The following POLR3E variants were observed in gnomAD, a reference collection of about 807,000 sequenced individuals.
The protein encoded by POLR3E is RNA polymerase III subunit E, also known as DNA-directed RNA polymerase III subunit RPC5.
A neutral mutation model predicts 96.6 loss-of-function variants in POLR3E; 41 were observed. The ratio of observed to expected loss-of-function variants is 0.42; its 90% CI spans 0.33 to 0.55. The LOEUF (loss-of-function observed/expected upper bound fraction) is 0.55, where lower values mean the gene tolerates loss of function less well. POLR3E is among the 20% of genes least tolerant of loss of function. The pLI, the probability that POLR3E is intolerant of heterozygous loss-of-function variation, is 0.06. For missense variants in POLR3E, 849 were observed against 952.1 expected (o/e 0.89, Z 1.43); for synonymous variants, 396 against 383.6 (o/e 1.03, Z -0.38).
At chr16:22,329,351 C>T (rs2048687203) in intron 19 of POLR3E, among the ~76,000 whole-genome samples, 1 of 152,138 alleles carries the variant, frequency 6.6e-6, no homozygotes, top group African/African-American at 2.4e-5. Flanking sequence ...CACAGGTGTC[C>T]AGTGCCCAGA....
Position 22,326,288 on chromosome 16 carries a change from G to A in POLR3E, c.1866+10G>A, listed in dbSNP as rs779670206. ...GCAGATACTGGTGCCTGTAAGTAGA[G>A]CCCTGCCTGCCAGGGGCATGGGGGG... On this transcript the variant is annotated intron_variant, in intron 18 of 20. Coordinates refer to ENST00000299853, the MANE Select transcript of POLR3E (RefSeq NM_018119.4). 52 of 761,822 alleles carry A rather than the reference G, an allele frequency of 6.8e-5. No homozygotes were observed. In the African/African-American group the frequency reaches 8.4e-4, roughly 12 times the overall value. The allele number at this position is 761,822 out of a possible 1,614,324, so 47.2% of individuals were successfully genotyped here.
rs1449090907 is a variant in POLR3E, at chr16:22,318,825, G to A, written c.866-1G>A. On this transcript the variant is annotated splice_acceptor_variant, in intron 12 of 20. Transcript: ENST00000299853. LOFTEE classifies it high-confidence loss of function. This position sits in a 1 kb window ranked among gnomAD's most constrained non-coding sequence, Gnocchi z 5.0. ...TCTGATGTCTCCTGCGTCCTCCTCA[G>A]TGAAGGTCATGCCTTTTGCCAACTT... 6.2e-7 allele frequency: 1 copy of A among 1,612,602 alleles called. No homozygotes were observed. Among genetic ancestry groups the A allele is most frequent in the African/African-American group, 1.3e-5 (1 of 74,666 alleles).
chr16:22,314,821 A>T lies in POLR3E; in HGVS notation c.523-268A>T, dbSNP rs1598255428. 4.4e-5 allele frequency: 14 copies of T among 319,742 alleles called. No individual in the cohort carries two copies. In the South Asian group the frequency reaches 7.3e-4, roughly 17 times the overall value. 19.8% of individuals were successfully genotyped at this position (319,742 alleles called of 1,614,324 possible). A position where few individuals can be genotyped will look rare whatever the true frequency, so the allele number is the denominator to read the frequency against. The stretch of plus-strand genomic sequence containing the variant: ...CATCCTGGGCCTGTCTGCTTTAAGG[A>T]CTCTGCTGGCTCTGGCGCCTGGGAC... On this transcript the variant is annotated intron_variant, in intron 8 of 20. Transcript: ENST00000299853.
chr16:22,334,936 C>T lies in POLR3E; in HGVS notation c.*1236C>T, dbSNP rs1226227432. 2 of 152,214 alleles carry T rather than the reference C, an allele frequency of 1.3e-5. No homozygotes were observed. The highest frequency in any genetic ancestry group is 4.8e-5 in the African/African-American group (2 of 41,432). 9.4% of individuals were successfully genotyped at this position (152,214 alleles called of 1,614,324 possible). A position where few individuals can be genotyped will look rare whatever the true frequency, so the allele number is the denominator to read the frequency against. ...ACGGTCTATGCTATTTCCCCACTCC[C>T]CCCAAAATAAAACATCTAATATTTT... On this transcript the variant is annotated 3_prime_UTR_variant, in exon 21 of 21. Transcript: ENST00000299853.
rs376136463 is a variant in POLR3E at position 22,334,930 on chromosome 16, C to T, written c.*1230C>T. ...TAAATGACGGTCTATGCTATTTCCC[C>T]ACTCCCCCCAAAATAAAACATCTAA... On this transcript the variant is annotated 3_prime_UTR_variant, in exon 21 of 21. Transcript: ENST00000299853. The T allele has an allele frequency of 6.6e-6, 1 of 152,212 alleles. No individual in the cohort carries two copies. The highest frequency in any genetic ancestry group is 1.9e-4 in the East Asian group (1 of 5,206). The allele number at this position is 152,212 out of a possible 1,614,324, so 9.4% of individuals were successfully genotyped here. A position where few individuals can be genotyped will look rare whatever the true frequency, so the allele number is the denominator to read the frequency against.
At chr16:22,306,616 A>C (rs1484255168) in intron 3 of POLR3E, among the ~76,000 whole-genome samples, 1 of 152,208 alleles carries the variant, frequency 6.6e-6, no homozygotes, top group Admixed American at 6.5e-5. Flanking sequence ...TTGTTTATCC[A>C]TTCATCAGCT....
At chr16:22,325,314 C>T (rs773213202) in intron 17 of POLR3E, 48 bp downstream of exon 17, 1 of 1,456,450 alleles carries the variant, frequency 6.9e-7, no homozygotes, top group Non-Finnish European at 9.7e-7. Context: ...TACACTGTGG[C>T]TCCGGAAGGG....
At chr16:22,317,652 T>G (rs1019940938) in intron 12 of POLR3E, among the ~76,000 whole-genome samples, 2 of 150,728 alleles carry the variant, frequency 1.3e-5, no homozygotes, top group Admixed American at 6.7e-5. Flanking sequence ...TTGTTGTTGT[T>G]GTTGTTGTTG....
chr16:22,300,705 C>T (rs1460392962), intron 1 of POLR3E, among the ~76,000 whole-genome samples: 5 of 152,234 alleles, frequency 3.3e-5, no homozygotes, highest in Non-Finnish European at 7.3e-5. Context: ...GATGCGACTC[C>T]TGATTTTCAT....
At chr16:22,326,543 A>C (rs1006892152) in intron 18 of POLR3E, 2 of 550,582 alleles carry the variant, frequency 3.6e-6, no homozygotes, top group Non-Finnish European at 6.5e-6. Context: ...AGCAGGGCCT[A>C]GTGAAACAGG....
intron 20 of POLR3E, among the ~76,000 whole-genome samples, 159 bp downstream of exon 20, chr16:22,332,344 T>C (rs2048758350): frequency 2.6e-5 from 4 of 152,188 alleles, no homozygotes; most frequent in Admixed American, 2.6e-4. Context: ...GATTGATTGA[T>C]TGGCATTGGT....
At position 22,318,061 on chromosome 16, in the gene POLR3E, C is replaced by T. The variant is rs1466271060; in HGVS notation, c.866-765C>T. Among the ~76,000 whole-genome samples the T allele has an allele frequency of 2.0e-5, 3 of 151,738 alleles. No individual in the cohort carries two copies. Among genetic ancestry groups the T allele is most frequent in the African/African-American group, 7.3e-5 (3 of 41,290 alleles). On this transcript the variant is annotated intron_variant, in intron 12 of 20. Coordinates refer to ENST00000299853, the MANE Select transcript of POLR3E (RefSeq NM_018119.4). The surrounding 1 kb of genome is among the most constrained non-coding windows in gnomAD (Gnocchi z 5.0). ...GGAGAGAGGGGAGCTCCATGATATGCTCGGGATTTTAGGCTTCCTTCCTGC... is the reference window on the plus strand; with the variant it reads ...GGAGAGAGGGGAGCTCCATGATATGTTCGGGATTTTAGGCTTCCTTCCTGC...
intron 6 of POLR3E, among the ~76,000 whole-genome samples, chr16:22,312,662 C>G (rs1408228551): frequency 2.6e-5 from 4 of 151,962 alleles, no homozygotes; most frequent in African/African-American, 7.3e-5. Context: ...GTCAGGAGAT[C>G]AAGACTATCC....
At chr16:22,312,638 G>T (rs553380349) in intron 6 of POLR3E, among the ~76,000 whole-genome samples, 1 of 152,060 alleles carries the variant, frequency 6.6e-6, no homozygotes, top group African/African-American at 2.4e-5. Context: ...AGGCCAAGAC[G>T]GGCAGATCAC....
intron 1 of POLR3E, among the ~76,000 whole-genome samples, chr16:22,298,259 A>G (rs182615344): frequency 6.6e-6 from 1 of 152,316 alleles, no homozygotes; most frequent in African/African-American, 2.4e-5. Flanking sequence ...TGAAATAGAG[A>G]TAATAGAAAT....
rs764031791 is a variant in POLR3E, at chr16:22,324,539, A to G, written c.1165A>G (p.Met389Val). Reference sequence around the variant, plus strand: ...GGATGTGAAGGACTTCCTGGAGCACATGGCCGTGGTGAGGATCAACAAAGG... The same window carrying G: ...GGATGTGAAGGACTTCCTGGAGCACGTGGCCGTGGTGAGGATCAACAAAGG... ...AEDVKDFLEHMAVVRINKGWE... is the reference protein window; with the variant it reads ...AEDVKDFLEHVAVVRINKGWE... The change falls in exon 16 of 21, where the codon ATG (methionine) becomes GTG (valine). Residue 389 changes from methionine to valine, a missense_variant. Met to Val is a conservative substitution (Grantham distance 21). Transcript: ENST00000299853. 6.8e-6 allele frequency: 11 copies of G among 1,612,546 alleles called. No homozygotes were observed. Among genetic ancestry groups the G allele is most frequent in the South Asian group, 5.5e-5 (5 of 91,034 alleles).
chr16:22,331,864 TTG>T (rs1304838918), intron 19 of POLR3E, 194 bp from the exon 20 acceptor site: 6 of 531,366 alleles, frequency 1.1e-5, no homozygotes, highest in Non-Finnish European at 1.7e-5. Flanking sequence ...GCCTTTACTT[TTG>T]TGTTTTTATT....
At position 22,318,852 on chromosome 16, in the gene POLR3E, A is replaced by C. The variant is rs966611333; in HGVS notation, c.892A>C (p.Met298Leu). ...NVKVMPFANL[M>L]SLLGPSIDSV... is the part of the protein sequence containing the mutation. ...GAAGGTCATGCCTTTTGCCAACTTG[A>C]TGAGCCTCCTGGGCCCCTCCATCGA... The change falls in exon 13 of 21, where the codon ATG becomes CTG. Residue 298 changes from methionine to leucine, a missense_variant. Physicochemically the swap from Met to Leu is conservative, Grantham distance 15 (BLOSUM62 2). Coordinates refer to ENST00000299853, the MANE Select transcript of POLR3E (RefSeq NM_018119.4). This position sits in a 1 kb window ranked among gnomAD's most constrained non-coding sequence, Gnocchi z 5.0. 1 of 1,612,970 alleles carries C rather than the reference A, an allele frequency of 6.2e-7. No homozygotes were observed. The highest frequency in any genetic ancestry group is 1.7e-5 in the Admixed American group (1 of 59,972).
At chr16:22,320,234 T>C (rs916750598) in intron 13 of POLR3E, among the ~76,000 whole-genome samples, 3 of 152,196 alleles carry the variant, frequency 2.0e-5, no homozygotes, top group Admixed American at 6.5e-5. Flanking sequence ...TTTTAGTATA[T>C]GTACTGCCGA....
Sources: gnomAD v4.1 joint callset for allele counts (sites outside exome capture counted in the v4.1 genomes callset) on GRCh38, gnomAD v4.1.1 for gene constraint, Gnocchi (gnomAD v3.1) non-coding constraint, MANE v1.5 for transcripts, NCBI Gene and HGNC (gene_info 2026-07-23, HGNC 2026-07-21) for gene names.